Variants in FSTL5 observed in about 807,000 individuals in gnomAD.
The protein encoded by FSTL5 is follistatin-related protein 5.
A neutral mutation model predicts 89.1 loss-of-function variants in FSTL5; 62 were observed. The observed-to-expected ratio is 0.70, with a 90% CI of 0.57 to 0.86. The LOEUF (loss-of-function observed/expected upper bound fraction) is 0.86, where lower values mean the gene tolerates loss of function less well. Among genes scored for constraint, FSTL5 ranks in the 40% least tolerant of loss-of-function variants. The pLI is 0.00. For synonymous variants in FSTL5, 383 were observed against 346.2 expected (o/e 1.11, Z -1.18); for missense variants, 1,057 against 1,001.6 (o/e 1.06, Z -0.75).
At chr4:161,580,517 T>G (rs10007456) in intron 8 of FSTL5, among the ~76,000 whole-genome samples, 151,573 of 152,312 alleles carry the variant, frequency 1, 75,421 homozygotes, top group Middle Eastern at 1. Context: ...ACAATAAAAG[T>G]TCAAAGAAGA....
intron 11 of FSTL5, among the ~76,000 whole-genome samples, chr4:161,505,076 C>G (rs542662040): frequency 6.6e-6 from 1 of 152,058 alleles, no homozygotes; most frequent in African/African-American, 2.4e-5. Context: ...CGGTGTTATA[C>G]AGAATCCTTC....
At chr4:161,852,718 C>T (rs1288505421) in intron 4 of FSTL5, among the ~76,000 whole-genome samples, 2 of 152,086 alleles carry the variant, frequency 1.3e-5, no homozygotes, top group Non-Finnish European at 1.5e-5. Flanking sequence ...ACCTGAATGG[C>T]CATCAATGAT....
At chr4:161,900,152 G>T (rs1301124786) in intron 4 of FSTL5, among the ~76,000 whole-genome samples, 2 of 151,976 alleles carry the variant, frequency 1.3e-5, no homozygotes, top group Admixed American at 1.3e-4. Context: ...CCAAGATCGT[G>T]CCATTGCACT....
At chr4:161,441,128 A>C (rs1732747167) in intron 15 of FSTL5, among the ~76,000 whole-genome samples, 1 of 152,132 alleles carries the variant, frequency 6.6e-6, no homozygotes. Flanking sequence ...GATATAAGGC[A>C]GTCAGTGGCG....
intron 3 of FSTL5, among the ~76,000 whole-genome samples, chr4:161,949,850 T>C (rs1367388963): frequency 6.6e-6 from 1 of 151,998 alleles, no homozygotes; most frequent in African/African-American, 2.4e-5. Context: ...ATCTGCCCAC[T>C]CAAGTTGTTT....
At chr4:161,782,758 C>T (rs925438847) in intron 4 of FSTL5, among the ~76,000 whole-genome samples, 1 of 152,100 alleles carries the variant, frequency 6.6e-6, no homozygotes, top group Non-Finnish European at 1.5e-5. Context: ...CAATTATATG[C>T]CACATTGTAA....
chr4:161,819,594 T>C (rs541011543), intron 4 of FSTL5, among the ~76,000 whole-genome samples: 2 of 152,216 alleles, frequency 1.3e-5, no homozygotes, highest in Admixed American at 6.5e-5. Flanking sequence ...CAATCTGATA[T>C]ACTATAACTA....
chr4:161,706,770 A>G (rs1251814453), intron 6 of FSTL5, among the ~76,000 whole-genome samples: 1 of 152,064 alleles, frequency 6.6e-6, no homozygotes, highest in African/African-American at 2.4e-5. Flanking sequence ...TCACTACTTA[A>G]AAGAGAAATC....
intron 6 of FSTL5, among the ~76,000 whole-genome samples, chr4:161,723,905 T>A (rs1739303876): frequency 6.6e-6 from 1 of 152,016 alleles, no homozygotes; most frequent in Non-Finnish European, 1.5e-5. Context: ...ACAAAAAAAA[T>A]TTGCTGTTTG....
At chr4:161,410,615 C>T (rs1731553878) in intron 15 of FSTL5, among the ~76,000 whole-genome samples, 1 of 152,012 alleles carries the variant, frequency 6.6e-6, no homozygotes, top group African/African-American at 2.4e-5. Context: ...ACAACTTTCT[C>T]CTGAAGAATT....
At chr4:161,742,487 T>G (rs1740061631) in intron 6 of FSTL5, among the ~76,000 whole-genome samples, 1 of 152,204 alleles carries the variant, frequency 6.6e-6, no homozygotes, top group Admixed American at 6.5e-5. Context: ...AGAGAATTTT[T>G]TAAAATATTA....
At chr4:162,086,299 C>T (rs1730314378) in intron 2 of FSTL5, among the ~76,000 whole-genome samples, 3 of 151,860 alleles carry the variant, frequency 2.0e-5, no homozygotes. Flanking sequence ...CTCTCATGCT[C>T]ATTCCCCCCT....
chr4:161,558,828 C>T (rs1732485045), intron 8 of FSTL5, among the ~76,000 whole-genome samples: 1 of 151,864 alleles, frequency 6.6e-6, no homozygotes, highest in African/African-American at 2.4e-5. Flanking sequence ...TGACTTTTCA[C>T]TCTAACTCAT....
chr4:162,111,154 A>G (rs1731422206), intron 2 of FSTL5, 117 bp downstream of exon 2: 1 of 794,468 alleles, frequency 1.3e-6, no homozygotes, highest in African/African-American at 1.8e-5. Context: ...AATAATATGG[A>G]AACTACTGAA....
chr4:161,540,051 T>TC (rs1479483295), intron 9 of FSTL5, among the ~76,000 whole-genome samples: 2 of 152,128 alleles, frequency 1.3e-5, no homozygotes. Flanking sequence ...CCATTGTCTT[T>TC]CCTTCTCTTC....
intron 4 of FSTL5, among the ~76,000 whole-genome samples, chr4:161,904,748 T>C (rs1320120088): frequency 1.3e-5 from 2 of 151,972 alleles, no homozygotes; most frequent in African/African-American, 4.8e-5. Context: ...ATGTGCCTTC[T>C]TATTTAATTT....
At chr4:161,872,157 T>TTTTTTTTTTTTTTTTTTC (rs1248675397) in intron 4 of FSTL5, among the ~76,000 whole-genome samples, 1 of 145,560 alleles carries the variant, frequency 6.9e-6, no homozygotes, top group Non-Finnish European at 1.5e-5. Flanking sequence ...TTTTTTTTTT[T>TTTTTTTTTTTTTTTTTTC]TGTAGAGACA....
At chr4:161,967,836 C>G (rs1735370615) in intron 3 of FSTL5, among the ~76,000 whole-genome samples, 1 of 151,910 alleles carries the variant, frequency 6.6e-6, no homozygotes, top group South Asian at 2.1e-4. Context: ...AAAATGCTGA[C>G]TGAGGAATCT....
At chr4:161,682,176 G>A (rs1047152040) in intron 6 of FSTL5, among the ~76,000 whole-genome samples, 12 of 152,146 alleles carry the variant, frequency 7.9e-5, no homozygotes, top group Non-Finnish European at 1.6e-4. Flanking sequence ...ACCATGAAAG[G>A]AGCTTGCCCA....
Sources: allele counts gnomAD v4.1 joint callset (sites outside exome capture counted in the v4.1 genomes callset), GRCh38; gene constraint gnomAD v4.1.1; transcripts MANE v1.5; gene names NCBI Gene and HGNC (gene_info 2026-07-23, HGNC 2026-07-21).